Variants in TACR3 observed in about 807,000 individuals in gnomAD.
TACR3 encodes tachykinin receptor 3.
Under a neutral mutation model 35.0 loss-of-function variants are expected in TACR3, and 34 were observed. That is an observed-to-expected ratio of 0.97 (90% CI 0.74 to 1.30). The LOEUF is 1.30. Among genes scored for constraint, TACR3 ranks in the 50% most tolerant of loss-of-function variants. The probability of loss-of-function intolerance (pLI) is 0.00; values close to 1 mark genes in which losing one functional copy is unlikely to be tolerated. For synonymous variants in TACR3, 233 were observed against 221.1 expected (o/e 1.05, Z -0.48); for missense variants, 558 against 591.7 (o/e 0.94, Z 0.59).
rs7683576 is a variant in TACR3, at chr4:103,599,543, A to G, written c.889-7860T>C. Among the ~76,000 whole-genome samples, 524 of 152,208 alleles carry G rather than the reference A, an allele frequency of 3.4e-3. 3 individuals carry two copies. Among genetic ancestry groups the G allele is most frequent in the African/African-American group, 0.012 (496 of 41,554 alleles). On this transcript the variant is annotated intron_variant, in intron 3 of 4. Coordinates refer to ENST00000304883, the MANE Select transcript of TACR3 (RefSeq NM_001059.3). ...TCCTTGTCTTGTGCCAGTTTTCAAA[A>G]GGAATGCTTCCAGTTTTTGCCCATT...
intron 3 of TACR3, chr4:103,593,262 C>T (rs933948911): frequency 6.6e-5 from 10 of 152,074 alleles, no homozygotes; most frequent in Non-Finnish European, 1.5e-5. Context: ...TAAGATCTTT[C>T]TTGTCTTTTT....
At chr4:103,694,063 AT>A (rs1024052562) in intron 1 of TACR3, among the ~76,000 whole-genome samples, 2 of 152,000 alleles carry the variant, frequency 1.3e-5, no homozygotes, top group Admixed American at 6.6e-5. Context: ...CACATTAAAA[AT>A]TTTTTTCTTT....
intron 3 of TACR3, among the ~76,000 whole-genome samples, chr4:103,611,449 T>A (rs1280228287): frequency 6.6e-6 from 1 of 152,156 alleles, no homozygotes; most frequent in Non-Finnish European, 1.5e-5. Flanking sequence ...AATTAATAAC[T>A]AATTAACACC....
chr4:103,635,539 A>C (rs1458171655), intron 3 of TACR3, among the ~76,000 whole-genome samples: 1 of 152,000 alleles, frequency 6.6e-6, no homozygotes, highest in East Asian at 1.9e-4. Context: ...TGCTTTGGTG[A>C]CTTGCTTAAC....
chr4:103,717,796 T>C (rs1723123290), intron 1 of TACR3, among the ~76,000 whole-genome samples: 1 of 145,802 alleles, frequency 6.9e-6, no homozygotes, highest in Non-Finnish European at 1.5e-5. Flanking sequence ...CAATTTCACT[T>C]ATTTCCCAAC....
At chr4:103,630,865 A>G (rs1291238738) in intron 3 of TACR3, among the ~76,000 whole-genome samples, 2 of 152,302 alleles carry the variant, frequency 1.3e-5, no homozygotes, top group East Asian at 1.9e-4. Flanking sequence ...ATGCTACTAT[A>G]AAGACACACA....
At chr4:103,716,838 G>T (rs776099868) in intron 1 of TACR3, among the ~76,000 whole-genome samples, 3 of 152,100 alleles carry the variant, frequency 2.0e-5, no homozygotes, top group Admixed American at 6.5e-5. Flanking sequence ...TTAAATAATT[G>T]AAGTTTTCAC....
intron 1 of TACR3, among the ~76,000 whole-genome samples, chr4:103,699,402 C>T (rs1329595829): frequency 6.6e-6 from 1 of 152,036 alleles, no homozygotes; most frequent in Non-Finnish European, 1.5e-5. Context: ...TAACAAAGGA[C>T]CAGCTAGTCT....
chr4:103,649,185 A>G (rs1259298337), intron 3 of TACR3, among the ~76,000 whole-genome samples: 1 of 152,040 alleles, frequency 6.6e-6, no homozygotes. Flanking sequence ...TCTGGTTATT[A>G]ACTCCTTGTC....
chr4:103,601,607 C>G (rs1028516269), intron 3 of TACR3, among the ~76,000 whole-genome samples: 4 of 152,088 alleles, frequency 2.6e-5, no homozygotes, highest in Non-Finnish European at 4.4e-5. Context: ...TCAGCATTAG[C>G]TTGTCTGTAG....
chr4:103,710,264 A>C (rs1254852752), intron 1 of TACR3, among the ~76,000 whole-genome samples: 1 of 152,106 alleles, frequency 6.6e-6, no homozygotes, highest in African/African-American at 2.4e-5. Flanking sequence ...GAAGTAAAGC[A>C]CTCCTCAGCA....
At chr4:103,707,922 A>G (rs1414078621) in intron 1 of TACR3, among the ~76,000 whole-genome samples, 1 of 152,192 alleles carries the variant, frequency 6.6e-6, no homozygotes, top group East Asian at 1.9e-4. Context: ...GCAGTCTGAG[A>G]TCGAGCTGCA....
Position 103,590,104 on chromosome 4 carries a change from G to A in TACR3, c.1086-110C>T. ...GCAGTTATAACAACTCAGTTTTTGA[G>A]TTTGGTTTTTAGCCAGACTCTTAGA... On this transcript the variant is annotated intron_variant, in intron 4 of 4. Transcript: ENST00000304883. The A allele has an allele frequency of 2.1e-6, 3 of 1,397,868 alleles. No homozygotes were observed. In the South Asian group the frequency reaches 3.7e-5, roughly 17 times the overall value. The allele number at this position is 1,397,868 out of a possible 1,614,324, so 86.6% of individuals were successfully genotyped here. A position where few individuals can be genotyped will look rare whatever the true frequency, so the allele number is the denominator to read the frequency against.
At chr4:103,707,708 C>T (rs1722825445) in intron 1 of TACR3, among the ~76,000 whole-genome samples, 1 of 152,070 alleles carries the variant, frequency 6.6e-6, no homozygotes, top group African/African-American at 2.4e-5. Context: ...TGAGGCATCG[C>T]CTCACCTGGG....
chr4:103,696,563 T>G (rs1560535337), intron 1 of TACR3, among the ~76,000 whole-genome samples: 1 of 152,190 alleles, frequency 6.6e-6, no homozygotes, highest in South Asian at 2.1e-4. Context: ...TGAATTATCT[T>G]CCAACATTTT....
chr4:103,602,234 C>A (rs1724224111), intron 3 of TACR3, among the ~76,000 whole-genome samples: 1 of 152,152 alleles, frequency 6.6e-6, no homozygotes. Flanking sequence ...TTTTCAGCTC[C>A]ATCATGTCCT....
At chr4:103,656,165 A>G (rs763265073) in intron 3 of TACR3, 29 bp downstream of exon 3, 5 of 1,611,514 alleles carry the variant, frequency 3.1e-6, no homozygotes, top group Non-Finnish European at 4.2e-6. Flanking sequence ...AACCTATACA[A>G]ATGCTAGGTA....
intron 1 of TACR3, among the ~76,000 whole-genome samples, chr4:103,681,522 A>T (rs1435498329): frequency 6.6e-6 from 1 of 152,118 alleles, no homozygotes; most frequent in African/African-American, 2.4e-5. Flanking sequence ...ATTACCAGAG[A>T]TTCTTTATCT....
chr4:103,596,822 C>A (rs868531154), intron 3 of TACR3, among the ~76,000 whole-genome samples: 2 of 150,884 alleles, frequency 1.3e-5, no homozygotes, highest in Admixed American at 6.7e-5. Context: ...TCTCATTGTT[C>A]AATTCCCACC....
Sources: gnomAD v4.1 joint callset for allele counts (sites outside exome capture counted in the v4.1 genomes callset) on GRCh38, gnomAD v4.1.1 for gene constraint, MANE v1.5 for transcripts, NCBI Gene and HGNC (gene_info 2026-07-23, HGNC 2026-07-21) for gene names.